CNOT4: variants seen among roughly 807,000 people sequenced by gnomAD.
CNOT4 encodes the protein CCR4-associated factor 4.
A neutral mutation model predicts 73.8 loss-of-function variants in CNOT4; 8 were observed. That is an observed-to-expected ratio of 0.11 (90% confidence interval 0.06 to 0.20). CNOT4 has a LOEUF of 0.20. Among genes scored for constraint, CNOT4 ranks in the 10% least tolerant of loss-of-function variants. The pLI is 1.00. For synonymous variants in CNOT4, 293 were observed against 321.1 expected (o/e 0.91, Z 0.94); for missense variants, 564 against 883.4 (o/e 0.64, Z 4.58).
Position 135,375,780 on chromosome 7 carries a change from C to T in CNOT4, c.1628-11714G>A, listed in dbSNP as rs113070449. On this transcript the variant is annotated intron_variant, in intron 10 of 11. Transcript: ENST00000541284. The stretch of plus-strand genomic sequence containing the variant: ...TCTGCTAAAAAATACAAAAAATTAG[C>T]CAGGCATGGTGGTGGGCGCCTGTAA... Among the ~76,000 whole-genome samples, 4 of 152,216 alleles carry T rather than the reference C, an allele frequency of 2.6e-5. 1 individual carries two copies. The highest frequency in any genetic ancestry group is 9.6e-5 in the African/African-American group (4 of 41,546).
chr7:135,439,087 C>T (rs979454092), intron 1 of CNOT4, among the ~76,000 whole-genome samples: 3 of 152,140 alleles, frequency 2.0e-5, no homozygotes, highest in Non-Finnish European at 4.4e-5. Flanking sequence ...CTTCATATCA[C>T]AAACACTTTT....
chr7:135,404,123 T>C (rs1407339126), intron 7 of CNOT4, among the ~76,000 whole-genome samples: 1 of 152,210 alleles, frequency 6.6e-6, no homozygotes, highest in Admixed American at 6.5e-5. Flanking sequence ...AGTTTTTCAC[T>C]GCATATGCAC....
chr7:135,489,603 C>G (rs1363893402), intron 1 of CNOT4, among the ~76,000 whole-genome samples: 2 of 151,884 alleles, frequency 1.3e-5, no homozygotes, highest in African/African-American at 2.4e-5. Context: ...TCCATGTTGG[C>G]CAGGCTAGTC....
At chr7:135,387,162 A>T (rs1044121076) in intron 10 of CNOT4, 4 of 979,688 alleles carry the variant, frequency 4.1e-6, no homozygotes, top group Non-Finnish European at 4.9e-6. Flanking sequence ...CAATATTAAT[A>T]AGTCTACAGT....
At chr7:135,394,762 A>G (rs1468251535) in intron 9 of CNOT4, among the ~76,000 whole-genome samples, 1 of 152,238 alleles carries the variant, frequency 6.6e-6, no homozygotes, top group Non-Finnish European at 1.5e-5. Flanking sequence ...TTTAATTAGT[A>G]AAGTTGATTT....
intron 10 of CNOT4, chr7:135,388,531 T>C: frequency 9.5e-7 from 1 of 1,054,368 alleles, no homozygotes; most frequent in South Asian, 4.4e-5. Flanking sequence ...ATCTTAGTAC[T>C]ACAAGTTTAT....
chr7:135,509,694 T>G, intron 1 of CNOT4, 195 bp downstream of exon 1: 1 of 205,570 alleles, frequency 4.9e-6, no homozygotes, highest in Non-Finnish European at 9.6e-6. Context: ...CTTTTCCTTA[T>G]GGTAACTGCT....
chr7:135,442,915 C>T (rs1314903032), intron 1 of CNOT4, among the ~76,000 whole-genome samples: 2 of 151,624 alleles, frequency 1.3e-5, no homozygotes, highest in South Asian at 2.1e-4. Context: ...TAAAATTAGC[C>T]AAGTATGGTG....
chr7:135,438,374 A>T lies in CNOT4; in HGVS notation c.-43T>A, dbSNP rs770168357. ...AGCAGCAAAAGTTTATAATAATTTA[A>T]GGGAGAAGGAAGTTCAGCACTGAAA... On this transcript the variant is annotated 5_prime_UTR_variant, in exon 2 of 12. Transcript: ENST00000541284. 1.1e-5 allele frequency: 17 copies of T among 1,513,612 alleles called. No individual in the cohort carries two copies. 93.8% of individuals were successfully genotyped at this position (1,513,612 alleles called of 1,614,324 possible). A position where few individuals can be genotyped will look rare whatever the true frequency, so the allele number is the denominator to read the frequency against.
At chr7:135,471,098 A>G (rs544108394) in intron 1 of CNOT4, among the ~76,000 whole-genome samples, 1 of 152,286 alleles carries the variant, frequency 6.6e-6, no homozygotes, top group African/African-American at 2.4e-5. Flanking sequence ...CTGGTGGTGA[A>G]GACTTGGAGG....
intron 1 of CNOT4, among the ~76,000 whole-genome samples, chr7:135,494,442 C>A (rs976048360): frequency 6.5e-4 from 83 of 127,892 alleles, no homozygotes; most frequent in Non-Finnish European, 1.0e-3. Context: ...TGCACTACAA[C>A]CTGGGCAACA....
At chr7:135,414,295 T>TAA (rs567428044) in intron 5 of CNOT4, 36 bp downstream of exon 5, 684 of 682,300 alleles carry the variant, frequency 1.0e-3, no homozygotes, top group South Asian at 2.1e-3. Context: ...TCGTCTTCCT[T>TAA]AAAAAAAAAA....
At chr7:135,395,013 A>C (rs1267655570) in intron 9 of CNOT4, among the ~76,000 whole-genome samples, 1 of 152,172 alleles carries the variant, frequency 6.6e-6, no homozygotes, top group Non-Finnish European at 1.5e-5. Flanking sequence ...TGTTACTACT[A>C]AATAACTTGC....
At chr7:135,461,824 C>A (rs746550773) in intron 1 of CNOT4, among the ~76,000 whole-genome samples, 15 of 151,864 alleles carry the variant, frequency 9.9e-5, no homozygotes, top group Non-Finnish European at 1.6e-4. Context: ...AGAGCGAGAT[C>A]CCGTCCCAAA....
At chr7:135,501,586 G>A (rs144863460) in intron 1 of CNOT4, among the ~76,000 whole-genome samples, 109 of 152,214 alleles carry the variant, frequency 7.2e-4, no homozygotes, top group African/African-American at 2.5e-3. Context: ...AAAATATGCT[G>A]CACACTATTG....
chr7:135,389,821 T>G (rs1796311463), intron 10 of CNOT4, among the ~76,000 whole-genome samples: 1 of 152,138 alleles, frequency 6.6e-6, no homozygotes, highest in Admixed American at 6.5e-5. Flanking sequence ...AATATTTTTT[T>G]AAAACAAATC....
chr7:135,418,250 G>C (rs144853155), intron 3 of CNOT4, among the ~76,000 whole-genome samples: 3 of 152,202 alleles, frequency 2.0e-5, no homozygotes, highest in African/African-American at 4.8e-5. Flanking sequence ...GAACACTCTA[G>C]ATTCTGCCTA....
chr7:135,392,088 AAGGCCT>A (rs1489615992), intron 10 of CNOT4, among the ~76,000 whole-genome samples: 1 of 152,000 alleles, frequency 6.6e-6, no homozygotes, highest in Non-Finnish European at 1.5e-5. Flanking sequence ...ATCAACATAA[AAGGCCT>A]TTTCTCTTCC....
rs908613264 is a variant in CNOT4, at chr7:135,420,279, G to A, written c.372+1877C>T. 1.8e-4 allele frequency among the ~76,000 whole-genome samples: 27 copies of A among 151,738 alleles called. 1 individual carries two copies. Among genetic ancestry groups the A allele is most frequent in the South Asian group, 2.1e-4 (1 of 4,820 alleles). Reference sequence around the variant, plus strand: ...TTTACTGGAACTGCACGTCAGAAACGTGAAAGTAGATTCTAGGTTGGGCGC... The same window carrying A: ...TTTACTGGAACTGCACGTCAGAAACATGAAAGTAGATTCTAGGTTGGGCGC... On this transcript the variant is annotated intron_variant, in intron 3 of 11. Transcript: ENST00000541284.
Sources: allele counts gnomAD v4.1 joint callset (sites outside exome capture counted in the v4.1 genomes callset), GRCh38; gene constraint gnomAD v4.1.1; transcripts MANE v1.5; gene names NCBI Gene and HGNC (gene_info 2026-07-23, HGNC 2026-07-21).